Variants in TBC1D14 observed in about 807,000 individuals in gnomAD.
TBC1D14 encodes TBC1 domain family, member 14.
TBC1D14 carries 26 observed loss-of-function variants against 79.0 expected under a neutral mutation model. The ratio of observed to expected loss-of-function variants is 0.33; its 90% confidence interval spans 0.24 to 0.46. The LOEUF is 0.46. Among genes scored for constraint, TBC1D14 ranks in the 20% least tolerant of loss-of-function variants. TBC1D14 has a pLI of 1.00. For synonymous variants in TBC1D14, 394 were observed against 349.9 expected (o/e 1.13, Z -1.40); for missense variants, 769 against 887.6 (o/e 0.87, Z 1.70).
intron 9 of TBC1D14, among the ~76,000 whole-genome samples, chr4:7,009,351 T>A (rs757390252): frequency 6.6e-6 from 1 of 152,190 alleles, no homozygotes; most frequent in Non-Finnish European, 1.5e-5. Flanking sequence ...GTGGAAGAGC[T>A]GGGAGAATGT....
chr4:7,019,166 C>T (rs190710616), intron 12 of TBC1D14, among the ~76,000 whole-genome samples: 2,149 of 152,178 alleles, frequency 0.014, 26 homozygotes, highest in Non-Finnish European at 0.021. Context: ...GGACTGCAGG[C>T]GCCCGCCACC....
At chr4:6,969,851 A>G (rs760027209) in intron 3 of TBC1D14, among the ~76,000 whole-genome samples, 2 of 152,138 alleles carry the variant, frequency 1.3e-5, no homozygotes, top group African/African-American at 4.8e-5. Flanking sequence ...TCCGTCGTCA[A>G]TAATAAAGAA....
chr4:7,007,506 C>T, intron 9 of TBC1D14: 7 of 1,285,718 alleles, frequency 5.4e-6, no homozygotes, highest in Non-Finnish European at 7.1e-6. Flanking sequence ...CTTGTCTGTT[C>T]TCACTGCCTT....
intron 2 of TBC1D14, among the ~76,000 whole-genome samples, chr4:6,946,584 G>C (rs550449248): frequency 2.6e-5 from 4 of 152,166 alleles, no homozygotes; most frequent in African/African-American, 7.2e-5. Flanking sequence ...GCCTTCCAAA[G>C]TGCTGGGATT....
chr4:6,914,743 TAAAAA>T (rs373453039), intron 1 of TBC1D14, among the ~76,000 whole-genome samples: 1 of 152,058 alleles, frequency 6.6e-6, no homozygotes, highest in South Asian at 2.1e-4. Flanking sequence ...GGACTTGAAT[TAAAAA>T]AGAGAAAGAG....
intron 11 of TBC1D14, among the ~76,000 whole-genome samples, chr4:7,013,818 A>G (rs1454761931): frequency 6.7e-6 from 1 of 150,110 alleles, no homozygotes; most frequent in South Asian, 2.1e-4. Flanking sequence ...ATCTCGGCTC[A>G]CTGCAAGCTC....
At chr4:6,997,660 G>C (rs979406845) in intron 5 of TBC1D14, among the ~76,000 whole-genome samples, 15 of 152,270 alleles carry the variant, frequency 9.9e-5, no homozygotes, top group Admixed American at 7.9e-4. Context: ...ACAATGTGGT[G>C]TATATGTACA....
chr4:6,996,732 C>T (rs1719088730), intron 5 of TBC1D14, among the ~76,000 whole-genome samples: 1 of 152,148 alleles, frequency 6.6e-6, no homozygotes, highest in Admixed American at 6.5e-5. Context: ...CCCGGGCGGG[C>T]TGTAAAGCCC....
chr4:7,014,471 T>A lies in TBC1D14; in HGVS notation c.1671T>A (p.Phe557Leu). The change falls in exon 12 of 14, where the codon TTT (phenylalanine) becomes TTA (leucine). Residue 557 changes from phenylalanine to leucine, a missense_variant. Coordinates refer to ENST00000409757, the MANE Select transcript of TBC1D14 (RefSeq NM_020773.3). ...HGLMLTYFAA[F>L]EVFFEENLPK... ...AGATGTTGACTTATTTTGCTGCATT[T>A]GAAGTATTCTTTGAAGAAAATTTGC... 1 of 1,613,698 alleles carries A rather than the reference T, an allele frequency of 6.2e-7. No individual in the cohort carries two copies. The highest frequency in any genetic ancestry group is 1.3e-5 in the African/African-American group (1 of 75,070).
At chr4:6,952,354 CA>C (rs986007609) in intron 2 of TBC1D14, among the ~76,000 whole-genome samples, 1 of 152,214 alleles carries the variant, frequency 6.6e-6, no homozygotes, top group African/African-American at 2.4e-5. Flanking sequence ...TTGAGAACCA[CA>C]GGGTTTGATC....
chr4:6,975,880 C>T (rs1716672856), intron 3 of TBC1D14, among the ~76,000 whole-genome samples: 1 of 151,990 alleles, frequency 6.6e-6, no homozygotes, highest in Admixed American at 6.6e-5. Flanking sequence ...ATCACCTGAG[C>T]TCAGGAGTTC....
At chr4:6,921,875 T>G (rs1383020738) in intron 1 of TBC1D14, among the ~76,000 whole-genome samples, 1 of 151,996 alleles carries the variant, frequency 6.6e-6, no homozygotes, top group Non-Finnish European at 1.5e-5. Context: ...TTTTGTATTT[T>G]TAGTAGAGAT....
chr4:7,002,560 C>T (rs1719775416), intron 7 of TBC1D14, among the ~76,000 whole-genome samples: 1 of 152,148 alleles, frequency 6.6e-6, no homozygotes, highest in Non-Finnish European at 1.5e-5. Flanking sequence ...GGTATTGGCT[C>T]GATTTGTGTA....
At chr4:6,987,553 C>T (rs1717991479) in intron 3 of TBC1D14, 1 of 420,160 alleles carries the variant, frequency 2.4e-6, no homozygotes, top group Non-Finnish European at 4.1e-6. Flanking sequence ...TGCTGATGCG[C>T]TCTCCTCCCT....
intron 2 of TBC1D14, among the ~76,000 whole-genome samples, chr4:6,950,257 C>G (rs780217304): frequency 6.6e-6 from 1 of 152,190 alleles, no homozygotes; most frequent in Non-Finnish European, 1.5e-5. Flanking sequence ...TTTTTTATGG[C>G]TAATGCAGTG....
intron 12 of TBC1D14, among the ~76,000 whole-genome samples, chr4:7,023,394 G>T (rs755459844): frequency 6.6e-6 from 1 of 152,186 alleles, no homozygotes; most frequent in Non-Finnish European, 1.5e-5. Flanking sequence ...TGTGCAGGCC[G>T]AGTGGACTCT....
intron 2 of TBC1D14, among the ~76,000 whole-genome samples, chr4:6,945,611 G>A (rs1366762426): frequency 6.6e-6 from 1 of 152,002 alleles, no homozygotes; most frequent in African/African-American, 2.4e-5. Context: ...AGCCGAGCGT[G>A]GTGGCAACGC....
chr4:6,925,639 T>G (rs1358168962), intron 2 of TBC1D14, among the ~76,000 whole-genome samples: 2 of 152,202 alleles, frequency 1.3e-5, no homozygotes, highest in Non-Finnish European at 2.9e-5. Context: ...ATAGGTATCT[T>G]GGTACCATGA....
At chr4:7,029,429 C>T (rs1427832469) in intron 13 of TBC1D14, among the ~76,000 whole-genome samples, 5 of 152,242 alleles carry the variant, frequency 3.3e-5, no homozygotes, top group African/African-American at 9.6e-5. Context: ...CAGAGTTTGT[C>T]GCGTGGGCTA....
Sources: allele counts gnomAD v4.1 joint callset (sites outside exome capture counted in the v4.1 genomes callset), GRCh38; gene constraint gnomAD v4.1.1; transcripts MANE v1.5; gene names NCBI Gene and HGNC (gene_info 2026-07-23, HGNC 2026-07-21).